Variants in EGFR observed in about 807,000 individuals in gnomAD.
The protein encoded by EGFR is avian erythroblastic leukemia viral (v-erb-b) oncogene homolog.
EGFR carries 58 observed loss-of-function variants against 143.0 expected under a neutral mutation model. The ratio of observed to expected loss-of-function variants is 0.41; its 90% confidence interval spans 0.33 to 0.50. EGFR has a LOEUF of 0.50. Among genes scored for constraint, EGFR ranks in the 20% least tolerant of loss-of-function variants. EGFR has a pLI of 0.39. For synonymous variants in EGFR, 613 were observed against 594.4 expected (o/e 1.03, Z -0.45); for missense variants, 1,307 against 1,579.0 (o/e 0.83, Z 2.92).
intron 1 of EGFR, among the ~76,000 whole-genome samples, chr7:55,033,468 G>A (rs1787381667): frequency 6.6e-6 from 1 of 152,196 alleles, no homozygotes; most frequent in Admixed American, 6.5e-5. Flanking sequence ...AGCAATGCCT[G>A]TGGGTGTCAG....
intron 18 of EGFR, 126 bp from the exon 19 acceptor site, chr7:55,174,596 G>A: frequency 3.6e-6 from 3 of 842,618 alleles, no homozygotes; most frequent in East Asian, 2.5e-5. Flanking sequence ...CTTAGGTGCG[G>A]CTCCACAGCC....
At chr7:55,178,254 C>T (rs1376434959) in intron 19 of EGFR, among the ~76,000 whole-genome samples, 2 of 152,252 alleles carry the variant, frequency 1.3e-5, no homozygotes, top group African/African-American at 4.8e-5. Flanking sequence ...TACAGCTTCC[C>T]AGACTCCGGG....
chr7:55,147,218 C>T (rs561186863), intron 4 of EGFR, among the ~76,000 whole-genome samples: 1 of 152,358 alleles, frequency 6.6e-6, no homozygotes, highest in East Asian at 1.9e-4. Context: ...GGAAGTCTGT[C>T]CATGTTTCCT....
chr7:55,146,735 G>A lies in EGFR; in HGVS notation c.554G>A (p.Gly185Asp). The A allele has an allele frequency of 6.2e-7, 1 of 1,614,188 alleles. No individual in the cohort carries two copies. Among genetic ancestry groups the A allele is most frequent in the Non-Finnish European group, 8.5e-7 (1 of 1,180,040 alleles). Reference protein sequence around the residue: ...NMSMDFQNHLGSCQKCDPSCP... With the variant: ...NMSMDFQNHLDSCQKCDPSCP... ...TCGATGGACTTCCAGAACCACCTGGGCAGCTGTAAGTGTCGCATACACACT... is the reference window on the plus strand; with the variant it reads ...TCGATGGACTTCCAGAACCACCTGGACAGCTGTAAGTGTCGCATACACACT... Residue 185 changes from glycine to aspartate, a missense_variant, in exon 4 of 28, where the codon GGC becomes GAC. By Grantham distance (94) the Gly-to-Asp change is moderately conservative. This residue lies in a region of EGFR where 311 missense variants were observed against 412.3 expected (regional missense o/e 0.75). Coordinates refer to ENST00000275493, the MANE Select transcript of EGFR (RefSeq NM_005228.5).
chr7:55,160,155 G>T lies in EGFR; in HGVS notation c.1315G>T (p.Ala439Ser), dbSNP rs2128941312. Residue 439 changes from alanine to serine, a missense_variant, in exon 12 of 28, where the codon GCA becomes TCA. By Grantham distance (99) the Ala-to-Ser change is moderately conservative. Around this residue, in one of 7 missense-constraint regions of EGFR, gnomAD observed 250 missense variants for 295.1 expected, o/e 0.85. Coordinates refer to ENST00000275493, the MANE Select transcript of EGFR (RefSeq NM_005228.5). ...CCAATGTAGTGGTCAGTTTTCTCTT[G>T]CAGTCGTCAGCCTGAACATAACATC... is the stretch of plus-strand genomic sequence containing the variant. ...RTKQHGQFSLAVVSLNITSLG... is the reference protein window; with the variant it reads ...RTKQHGQFSLSVVSLNITSLG... The T allele has an allele frequency of 6.2e-7, 1 of 1,614,130 alleles. No individual in the cohort carries two copies. Among genetic ancestry groups the T allele is most frequent in the Non-Finnish European group, 8.5e-7 (1 of 1,180,018 alleles).
intron 27 of EGFR, among the ~76,000 whole-genome samples, chr7:55,205,050 A>G (rs1299006474): frequency 2.0e-5 from 3 of 152,156 alleles, no homozygotes; most frequent in Non-Finnish European, 4.4e-5. Context: ...CTTTAAATTT[A>G]CAAAAGACAC....
intron 1 of EGFR, among the ~76,000 whole-genome samples, chr7:55,103,121 A>G (rs577853756): frequency 6.6e-6 from 1 of 152,302 alleles, no homozygotes; most frequent in Admixed American, 6.5e-5. Flanking sequence ...CTCTTAGTGC[A>G]GTTTCAGTAT....
intron 1 of EGFR, among the ~76,000 whole-genome samples, chr7:55,053,961 G>A (rs1191035859): frequency 6.6e-6 from 1 of 152,244 alleles, no homozygotes; most frequent in East Asian, 1.9e-4. Context: ...CTCTGAGGAA[G>A]AGTTTTCATT....
rs1786438707 is a variant in EGFR at position 55,173,204 on chromosome 7, G to A, written c.2061+80G>A. 8.9e-6 allele frequency: 14 copies of A among 1,578,508 alleles called. 1 individual carries two copies. The South Asian group carries it at 1.2e-4, about 14-fold the overall frequency. ...GGCCAGCCCCGAGAACGGGCCATTA[G>A]CAGTTGTGTATGTTAGATACATAAT... On this transcript the variant is annotated intron_variant, in intron 17 of 27. Transcript: ENST00000275493.
intron 1 of EGFR, among the ~76,000 whole-genome samples, chr7:55,057,060 G>A (rs62449588): frequency 0.017 from 2,537 of 152,286 alleles, 33 homozygotes; most frequent in African/African-American, 0.038. Context: ...TAGGTGGTGC[G>A]ACTGCCATCC....
chr7:55,111,569 C>G (rs1792491105), intron 1 of EGFR, among the ~76,000 whole-genome samples: 2 of 152,104 alleles, frequency 1.3e-5, no homozygotes, highest in Admixed American at 6.6e-5. Context: ...ATGTTACTTT[C>G]TAGATTGAAT....
chr7:55,057,093 T>TGGAG (rs1180071690), intron 1 of EGFR, among the ~76,000 whole-genome samples: 1 of 152,204 alleles, frequency 6.6e-6, no homozygotes, highest in Non-Finnish European at 1.5e-5. Flanking sequence ...GGTGCTATCA[T>TGGAG]GGAGGGAGGG....
intron 1 of EGFR, among the ~76,000 whole-genome samples, chr7:55,077,496 A>C (rs532013771): frequency 9.9e-5 from 15 of 152,142 alleles, no homozygotes; most frequent in Non-Finnish European, 2.1e-4. Context: ...TTTCTCTGAC[A>C]GTGAAAAGTG....
intron 20 of EGFR, chr7:55,188,753 C>T (rs938359526): frequency 3.3e-5 from 5 of 152,078 alleles, no homozygotes; most frequent in African/African-American, 7.2e-5. Flanking sequence ...TCAAATGTGC[C>T]GGCAGTGGGA....
chr7:55,130,260 G>A (rs1793758463), intron 1 of EGFR, among the ~76,000 whole-genome samples: 1 of 152,314 alleles, frequency 6.6e-6, no homozygotes, highest in South Asian at 2.1e-4. Flanking sequence ...AAGTGCCTAC[G>A]TGCAGGAACT....
chr7:55,200,494 G>A (rs1458237719), intron 24 of EGFR, 81 bp downstream of exon 24: 1 of 1,394,102 alleles, frequency 7.2e-7, no homozygotes, highest in Non-Finnish European at 1.0e-6. Flanking sequence ...TCACATGCCA[G>A]CCTGGCCTCC....
chr7:55,196,190 T>C (rs1584263506), intron 22 of EGFR, among the ~76,000 whole-genome samples: 1 of 146,736 alleles, frequency 6.8e-6, no homozygotes, highest in Middle Eastern at 3.4e-3. Flanking sequence ...TTTTTTTTTT[T>C]TTTACTTTTC....
intron 1 of EGFR, among the ~76,000 whole-genome samples, chr7:55,036,281 G>A (rs1338191874): frequency 6.1e-5 from 5 of 81,460 alleles, no homozygotes; most frequent in Middle Eastern, 8.5e-3. Context: ...TGGGGGGGGG[G>A]GGGTGGGTGT....
intron 1 of EGFR, chr7:55,119,058 C>T (rs367776229): frequency 6.6e-6 from 1 of 152,162 alleles, no homozygotes; most frequent in Admixed American, 6.5e-5. Flanking sequence ...TTTTACAGTT[C>T]AAGTGCCATT....
Sources: allele counts gnomAD v4.1 joint callset (sites outside exome capture counted in the v4.1 genomes callset), GRCh38; gene constraint gnomAD v4.1.1; regional missense constraint gnomAD v4.1.1; transcripts MANE v1.5; gene names NCBI Gene and HGNC (gene_info 2026-07-23, HGNC 2026-07-21).